Variants in USP32 observed in about 807,000 individuals in gnomAD.
The protein encoded by USP32 is ubiquitin carboxyl-terminal hydrolase 32.
USP32 carries 59 observed loss-of-function variants against 204.8 expected under a neutral mutation model. The ratio of observed to expected loss-of-function variants is 0.29; its 90% confidence interval spans 0.23 to 0.36. The LOEUF (loss-of-function observed/expected upper bound fraction) is 0.36, where lower values mean the gene tolerates loss of function less well. USP32 is among the 10% of genes least tolerant of loss of function. The probability of loss-of-function intolerance (pLI) is 1.00; values close to 1 mark genes in which losing one functional copy is unlikely to be tolerated. For synonymous variants in USP32, 517 were observed against 678.4 expected, an observed-to-expected ratio of 0.76 and a Z score of 3.70; for missense variants, 1,160 against 1,946.4, an observed-to-expected ratio of 0.60 and a Z score of 7.60.
chr17:60,196,774 G>A (rs1244441344), intron 27 of USP32, among the ~76,000 whole-genome samples: 11 of 151,970 alleles, frequency 7.2e-5, no homozygotes, highest in Non-Finnish European at 1.2e-4. Context: ...GCGTTGAGCC[G>A]AGATTGCACC....
chr17:60,240,704 T>C (rs2085855526), intron 11 of USP32, among the ~76,000 whole-genome samples: 1 of 152,252 alleles, frequency 6.6e-6, no homozygotes, highest in South Asian at 2.1e-4. Flanking sequence ...GTTGTTGGCA[T>C]GTGCAAAGCC....
At chr17:60,330,504 TTCTC>T (rs887353520) in intron 2 of USP32, among the ~76,000 whole-genome samples, 1 of 144,108 alleles carries the variant, frequency 6.9e-6, no homozygotes, top group Non-Finnish European at 1.5e-5. Context: ...CTTTCTCTCT[TTCTC>T]TCTCTCTCTC....
chr17:60,319,752 C>T lies in USP32; in HGVS notation c.187-18048G>A, dbSNP rs947732495. On this transcript the variant is annotated intron_variant, in intron 2 of 33. Coordinates refer to ENST00000300896, the MANE Select transcript of USP32 (RefSeq NM_032582.4). Reference sequence around the variant, plus strand: ...CCAAGATAGCGCCACTGCACTCCAGCCTGGATGACAGAGTGAGACCCCATC... The same window carrying T: ...CCAAGATAGCGCCACTGCACTCCAGTCTGGATGACAGAGTGAGACCCCATC... Among the ~76,000 whole-genome samples, 30 of 151,934 alleles carry T rather than the reference C, an allele frequency of 2.0e-4. 1 individual carries two copies. Among genetic ancestry groups the T allele is most frequent in the Admixed American group, 1.8e-3 (28 of 15,246 alleles).
chr17:60,288,805 T>TA lies in USP32; in HGVS notation c.412-124dup. ...TTTCTGCTGTCTACAAAGGAAGGAT[T>TA]ATCTAATAACACTGCAGGGTGTATA... is the stretch of plus-strand genomic sequence containing the variant. On this transcript the variant is annotated intron_variant, in intron 4 of 33. Coordinates refer to ENST00000300896, the MANE Select transcript of USP32 (RefSeq NM_032582.4). 6.4e-6 allele frequency: 5 copies of TA among 780,112 alleles called. No homozygotes were observed. In the East Asian group the frequency reaches 1.3e-4, roughly 21 times the overall value. The allele number at this position is 780,112 out of a possible 1,614,324, so 48.3% of individuals were successfully genotyped here.
chr17:60,386,199 C>T (rs1190435292), intron 1 of USP32, among the ~76,000 whole-genome samples: 37 of 151,888 alleles, frequency 2.4e-4, no homozygotes, highest in Non-Finnish European at 1.5e-5. Context: ...TTAAACTGCT[C>T]AACTTAAACA....
chr17:60,289,826 C>T (rs867818463), intron 4 of USP32, among the ~76,000 whole-genome samples: 38 of 152,136 alleles, frequency 2.5e-4, no homozygotes, highest in Middle Eastern at 3.2e-3. Context: ...ATTGGAGCAG[C>T]TCTAATCCTA....
intron 2 of USP32, among the ~76,000 whole-genome samples, chr17:60,339,897 T>G (rs1268772771): frequency 6.6e-6 from 1 of 152,222 alleles, no homozygotes; most frequent in Non-Finnish European, 1.5e-5. Flanking sequence ...CTTTTACTAT[T>G]AAAACAAAAC....
chr17:60,414,960 T>C (rs1373809835), intron 1 of USP32, among the ~76,000 whole-genome samples: 1 of 152,048 alleles, frequency 6.6e-6, no homozygotes, highest in Non-Finnish European at 1.5e-5. Flanking sequence ...CAAGCAATAA[T>C]TCTACCTCAG....
rs546007188 is a variant in USP32 at position 60,183,170 on chromosome 17, G to A, written c.4118C>T (p.Pro1373Leu). 8.7e-6 allele frequency: 14 copies of A among 1,607,932 alleles called. No homozygotes were observed. In the South Asian group the frequency reaches 1.0e-4, roughly 11 times the overall value. ...ATAAGGCCCCCAGGCCTCACCTTTC[G>A]GGCTGCTGATGATGTTAGCGCTGAG... ...SSLSANIISS[P>L]KGSPSSSRKS... Residue 1373 changes from proline (P) to leucine (L), a missense_variant, in exon 31 of 34, where the codon CCG becomes CTG. By Grantham distance (98) the Pro-to-Leu change is moderately conservative. Coordinates refer to ENST00000300896, the MANE Select transcript of USP32 (RefSeq NM_032582.4).
chr17:60,289,895 A>C (rs1464370623), intron 4 of USP32, among the ~76,000 whole-genome samples: 1 of 152,124 alleles, frequency 6.6e-6, no homozygotes, highest in South Asian at 2.1e-4. Context: ...GTAGAAACAT[A>C]TCTACATTGT....
intron 1 of USP32, among the ~76,000 whole-genome samples, chr17:60,355,155 T>C (rs1284124555): frequency 6.6e-6 from 1 of 152,172 alleles, no homozygotes; most frequent in African/African-American, 2.4e-5. Context: ...TGCTCACAGA[T>C]ATTATACTAA....
At chr17:60,188,981 C>T (rs1490159706) in intron 29 of USP32, among the ~76,000 whole-genome samples, 1 of 152,190 alleles carries the variant, frequency 6.6e-6, no homozygotes, top group Non-Finnish European at 1.5e-5. Flanking sequence ...TAGGCCGTTT[C>T]CTATAAGCAG....
chr17:60,351,953 G>A (rs145024776), intron 1 of USP32, among the ~76,000 whole-genome samples: 9 of 152,046 alleles, frequency 5.9e-5, no homozygotes, highest in African/African-American at 1.7e-4. Context: ...AAAAAAAAAC[G>A]CAAAGGGCTA....
chr17:60,386,442 C>T (rs2146128686), intron 1 of USP32, among the ~76,000 whole-genome samples: 1 of 151,852 alleles, frequency 6.6e-6, no homozygotes, highest in East Asian at 1.9e-4. Flanking sequence ...CTCAGCATTA[C>T]TCTGGTGCTG....
intron 1 of USP32, among the ~76,000 whole-genome samples, chr17:60,372,488 GTATCTAAACA>G (rs1256351356): frequency 5.3e-5 from 8 of 151,006 alleles, no homozygotes; most frequent in Admixed American, 1.3e-4. Flanking sequence ...CAGTATTTGT[GTATCTAAACA>G]TATCTAAACA....
intron 12 of USP32, among the ~76,000 whole-genome samples, chr17:60,228,089 A>G (rs1192684740): frequency 6.6e-6 from 1 of 151,698 alleles, no homozygotes; most frequent in Non-Finnish European, 1.5e-5. Context: ...TCAGTGGTGC[A>G]GTCTCGGCTC....
chr17:60,273,820 C>T (rs940849537), intron 5 of USP32, among the ~76,000 whole-genome samples: 15 of 151,824 alleles, frequency 9.9e-5, no homozygotes, highest in Middle Eastern at 6.8e-3. Flanking sequence ...ATTAGCTGGG[C>T]GTGGTGGCGG....
At chr17:60,364,366 T>C (rs921517425) in intron 1 of USP32, among the ~76,000 whole-genome samples, 6 of 152,172 alleles carry the variant, frequency 3.9e-5, no homozygotes, top group Admixed American at 2.0e-4. Context: ...CAATCATATT[T>C]ATTTGGTTTT....
chr17:60,192,277 C>T (rs1293299023), intron 28 of USP32, among the ~76,000 whole-genome samples: 4 of 151,736 alleles, frequency 2.6e-5, no homozygotes, highest in Admixed American at 1.3e-4. Flanking sequence ...GGTGACAGAG[C>T]GAGACTCCAT....
Sources: gnomAD v4.1 joint callset for allele counts (sites outside exome capture counted in the v4.1 genomes callset) on GRCh38, gnomAD v4.1.1 for gene constraint, MANE v1.5 for transcripts, NCBI Gene and HGNC (gene_info 2026-07-23, HGNC 2026-07-21) for gene names.